Variants in NARS2 observed in about 807,000 individuals in gnomAD.
The protein encoded by NARS2 is asparaginyl-tRNA synthetase 2, mitochondrial.
In NARS2, 60 loss-of-function variants were observed where a neutral mutation model predicts 62.9. The observed-to-expected ratio is 0.95, with a 90% CI of 0.77 to 1.18. NARS2 has a LOEUF of 1.18. Ranked by LOEUF, NARS2 falls within the 50% of genes most tolerant of loss-of-function variation. The probability of loss-of-function intolerance (pLI) is 0.00; values close to 1 mark genes in which losing one functional copy is unlikely to be tolerated. For missense variants in NARS2, 619 were observed against 576.4 expected, an observed-to-expected ratio of 1.07 and a Z score of -0.76; for synonymous variants, 196 against 200.0, an observed-to-expected ratio of 0.98 and a Z score of 0.17.
intron 11 of NARS2, among the ~76,000 whole-genome samples, chr11:78,453,753 T>C (rs1195968363): frequency 1.3e-5 from 2 of 152,210 alleles, no homozygotes; most frequent in Admixed American, 6.5e-5. Flanking sequence ...ATACACAGTA[T>C]TTTGGCCCTA....
chr11:78,486,122 G>T (rs1241676071), intron 7 of NARS2, among the ~76,000 whole-genome samples: 2 of 152,004 alleles, frequency 1.3e-5, no homozygotes, highest in Non-Finnish European at 2.9e-5. Flanking sequence ...TGATCTGCCC[G>T]CCTCGGCCTC....
chr11:78,568,597 C>T, intron 3 of NARS2, 35 bp downstream of exon 3: 1 of 1,599,950 alleles, frequency 6.3e-7, no homozygotes. Flanking sequence ...TAATTAAAGC[C>T]TAAACAGCCT....
intron 9 of NARS2, among the ~76,000 whole-genome samples, chr11:78,477,034 TG>T (rs1265625423): frequency 1.3e-5 from 2 of 152,216 alleles, no homozygotes; most frequent in Admixed American, 1.3e-4. Context: ...GAGCTACTGA[TG>T]TATGTAAATT....
At chr11:78,499,042 G>A (rs377313163) in intron 6 of NARS2, among the ~76,000 whole-genome samples, 3 of 150,810 alleles carry the variant, frequency 2.0e-5, no homozygotes, top group Non-Finnish European at 3.0e-5. Context: ...TCAGCCTCCC[G>A]AGTAGCTGGG....
intron 7 of NARS2, among the ~76,000 whole-genome samples, chr11:78,486,099 T>C (rs951258904): frequency 2.6e-5 from 4 of 152,206 alleles, no homozygotes; most frequent in African/African-American, 9.6e-5. Flanking sequence ...GGTCTTGAAC[T>C]CCTGACCTCA....
chr11:78,510,475 A>G (rs1009825772), intron 6 of NARS2, among the ~76,000 whole-genome samples: 1 of 152,342 alleles, frequency 6.6e-6, no homozygotes, highest in Middle Eastern at 3.4e-3. Context: ...ATATAAAGCA[A>G]AAAATGACAG....
chr11:78,469,124 G>T, intron 10 of NARS2, 123 bp downstream of exon 10: 1 of 657,618 alleles, frequency 1.5e-6, no homozygotes. Flanking sequence ...GTACAAATGA[G>T]CAAATGCCAT....
At chr11:78,515,092 G>C (rs1860855033) in intron 6 of NARS2, among the ~76,000 whole-genome samples, 1 of 152,198 alleles carries the variant, frequency 6.6e-6, no homozygotes, top group Non-Finnish European at 1.5e-5. Flanking sequence ...CATGGAAGCT[G>C]TTATCTGGAA....
intron 11 of NARS2, among the ~76,000 whole-genome samples, chr11:78,450,979 C>G (rs900627292): frequency 6.6e-6 from 1 of 152,120 alleles, no homozygotes; most frequent in Admixed American, 6.6e-5. Flanking sequence ...CTGTGCCCAG[C>G]CCTTGTTGTC....
chr11:78,567,611 T>C (rs1277495714), intron 3 of NARS2, among the ~76,000 whole-genome samples: 2 of 152,208 alleles, frequency 1.3e-5, no homozygotes, highest in African/African-American at 4.8e-5. Context: ...TCCAAATTAT[T>C]CTACACTCTA....
intron 6 of NARS2, among the ~76,000 whole-genome samples, chr11:78,494,342 A>C (rs908959129): frequency 6.6e-6 from 1 of 152,180 alleles, no homozygotes; most frequent in African/African-American, 2.4e-5. Flanking sequence ...AAGCTGTTTG[A>C]GGCTCCTTAG....
At chr11:78,528,164 A>C (rs757394779) in intron 6 of NARS2, among the ~76,000 whole-genome samples, 12 of 152,126 alleles carry the variant, frequency 7.9e-5, no homozygotes, top group Non-Finnish European at 1.6e-4. Flanking sequence ...TGAGCCCAGG[A>C]GTTTGTGAGC....
chr11:78,436,628 G>A lies in NARS2; in HGVS notation c.*42C>T, dbSNP rs1014010410. 6.2e-7 allele frequency: 1 copy of A among 1,608,200 alleles called. No individual in the cohort carries two copies. The highest frequency in any genetic ancestry group is 1.3e-5 in the African/African-American group (1 of 74,752). On this transcript the variant is annotated 3_prime_UTR_variant, in exon 14 of 14. Transcript: ENST00000281038. ...TGCTGTATGCACAATCATGTGCAGTGTCTCTGCCATGGGGGGTGCTTTTCC... is the reference window on the plus strand; with the variant it reads ...TGCTGTATGCACAATCATGTGCAGTATCTCTGCCATGGGGGGTGCTTTTCC...
At chr11:78,439,959 G>A (rs1176902599) in intron 13 of NARS2, among the ~76,000 whole-genome samples, 3 of 152,198 alleles carry the variant, frequency 2.0e-5, no homozygotes, top group Non-Finnish European at 4.4e-5. Context: ...AAGCAGCTTG[G>A]ATTTCTATAG....
intron 9 of NARS2, among the ~76,000 whole-genome samples, chr11:78,472,501 A>G (rs561863485): frequency 2.0e-5 from 3 of 152,342 alleles, no homozygotes; most frequent in Non-Finnish European, 4.4e-5. Flanking sequence ...CAGAACCATA[A>G]TAATATAAAG....
chr11:78,451,564 G>A (rs930660010), intron 11 of NARS2, among the ~76,000 whole-genome samples: 14 of 152,334 alleles, frequency 9.2e-5, no homozygotes, highest in African/African-American at 3.1e-4. Context: ...TTATGGGCAG[G>A]CAGGTCTGTG....
intron 6 of NARS2, among the ~76,000 whole-genome samples, chr11:78,509,112 GAAAAA>G (rs201305584): frequency 1.2e-5 from 1 of 84,736 alleles, no homozygotes. Flanking sequence ...CTTTAAAAAG[GAAAAA>G]AAAAAAAAAA....
intron 5 of NARS2, among the ~76,000 whole-genome samples, chr11:78,550,885 T>G (rs1170850441): frequency 6.6e-6 from 1 of 152,114 alleles, no homozygotes; most frequent in Admixed American, 6.5e-5. Flanking sequence ...ACATGATACA[T>G]CCACAAAAGG....
intron 4 of NARS2, among the ~76,000 whole-genome samples, chr11:78,565,392 A>G (rs1856709487): frequency 6.6e-6 from 1 of 152,248 alleles, no homozygotes; most frequent in Admixed American, 6.5e-5. Flanking sequence ...AGTTTTCAAG[A>G]CAACAACAAA....
Sources: allele counts gnomAD v4.1 joint callset (sites outside exome capture counted in the v4.1 genomes callset), GRCh38; gene constraint gnomAD v4.1.1; transcripts MANE v1.5; gene names NCBI Gene and HGNC (gene_info 2026-07-23, HGNC 2026-07-21).